Variants in SLC1A2 observed in about 807,000 individuals in gnomAD.
The protein encoded by SLC1A2 is excitatory amino acid transporter 2.
A neutral mutation model predicts 48.8 loss-of-function variants in SLC1A2; 15 were observed. The observed-to-expected ratio is 0.31, with a 90% CI of 0.21 to 0.47. The LOEUF is 0.47. SLC1A2 is among the 20% of genes least tolerant of loss of function. The pLI is 0.99. For missense variants in SLC1A2, 502 were observed against 730.5 expected, an observed-to-expected ratio of 0.69 and a Z score of 3.61; for synonymous variants, 279 against 272.6, an observed-to-expected ratio of 1.02 and a Z score of -0.23.
intron 1 of SLC1A2, among the ~76,000 whole-genome samples, chr11:35,321,786 A>G (rs781161523): frequency 6.6e-6 from 1 of 152,174 alleles, no homozygotes; most frequent in Non-Finnish European, 1.5e-5. Context: ...CCGGATACAC[A>G]GTAAGTCACG....
chr11:35,286,914 C>A lies in SLC1A2; in HGVS notation c.1129G>T (p.Glu377Ter). 6.2e-7 allele frequency: 1 copy of A among 1,614,070 alleles called. No homozygotes were observed. Among genetic ancestry groups the A allele is most frequent in the Non-Finnish European group, 8.5e-7 (1 of 1,179,948 alleles). ...ACACGCTTATCAATCCCCAGATTTT[C>A]TTCCAGGCAACGAAAGGTGACAGGC... The part of the protein sequence containing the change: ...TLPVTFRCLE[E>*]NLGIDKRVTR... Residue 377 changes from glutamate to a stop codon, truncating the protein, a stop_gained, in exon 8 of 11, where the codon GAA (glutamate) becomes TAA (stop). Coordinates refer to ENST00000278379, the MANE Select transcript of SLC1A2 (RefSeq NM_004171.4). LOFTEE classifies it high-confidence loss of function.
chr11:35,332,554 T>C (rs1265680080), intron 1 of SLC1A2, among the ~76,000 whole-genome samples: 1 of 152,270 alleles, frequency 6.6e-6, no homozygotes, highest in Non-Finnish European at 1.5e-5. Flanking sequence ...GATTGAATTA[T>C]GTATATGACA....
At chr11:35,261,081 T>C in intron 10 of SLC1A2, 116 bp from the exon 11 acceptor site, 1 of 756,634 alleles carries the variant, frequency 1.3e-6, no homozygotes, top group Non-Finnish European at 2.3e-6. Flanking sequence ...AAATATTAGT[T>C]TTAAATGGAG....
chr11:35,283,387 G>A (rs7129693), intron 8 of SLC1A2, among the ~76,000 whole-genome samples: 33,615 of 152,096 alleles, frequency 0.22, 3,861 homozygotes, highest in Admixed American at 0.28. Context: ...ATATACACCC[G>A]TGGTGGGTGC....
chr11:35,420,135 A>ATTTT (rs561948166), upstream of SLC1A2: 5 of 149,512 alleles, frequency 3.3e-5, no homozygotes, highest in South Asian at 4.0e-4. Context: ...GGAGGCCGGG[A>ATTTT]TTTTTTTTTT....
At chr11:35,354,618 C>T (rs959297622) in intron 1 of SLC1A2, among the ~76,000 whole-genome samples, 23 of 152,122 alleles carry the variant, frequency 1.5e-4, no homozygotes, top group African/African-American at 5.3e-4. Flanking sequence ...GGTTTTGCTG[C>T]AAATCACCCC....
chr11:35,395,671 CT>C (rs111353211), intron 1 of SLC1A2, among the ~76,000 whole-genome samples: 20,096 of 138,554 alleles, frequency 0.15, 2,313 homozygotes, highest in African/African-American at 0.33. Flanking sequence ...CTCCAAACTT[CT>C]TTTTTTTTTT....
At chr11:35,292,736 C>T (rs1228242553) in intron 6 of SLC1A2, among the ~76,000 whole-genome samples, 1 of 152,080 alleles carries the variant, frequency 6.6e-6, no homozygotes, top group African/African-American at 2.4e-5. Flanking sequence ...ATGAAAAGTC[C>T]AAAGGCAAAT....
intron 6 of SLC1A2, among the ~76,000 whole-genome samples, chr11:35,300,489 G>C (rs138443405): frequency 2.8e-4 from 42 of 152,306 alleles, no homozygotes; most frequent in African/African-American, 1.0e-3. Context: ...AAAGATGCTC[G>C]AGGGAGCCTG....
chr11:35,407,086 T>TA (rs199551960), intron 1 of SLC1A2, among the ~76,000 whole-genome samples: 8,065 of 140,156 alleles, frequency 0.058, 274 homozygotes, highest in East Asian at 0.14. Context: ...AGGTAAATCT[T>TA]AAAAAAAAAA....
Position 35,419,141 on chromosome 11 carries a change from G to T in SLC1A2, c.-175C>A. 2.0e-6 allele frequency: 1 copy of T among 504,916 alleles called. No homozygotes were observed. Among genetic ancestry groups the T allele is most frequent in the Non-Finnish European group, 3.5e-6 (1 of 287,148 alleles). The allele number at this position is 504,916 out of a possible 1,614,324, so 31.3% of individuals were successfully genotyped here. On this transcript the variant is annotated 5_prime_UTR_variant, in exon 1 of 11. Transcript: ENST00000278379. The surrounding 1 kb of genome is among the most constrained non-coding windows in gnomAD (Gnocchi z 5.4). ...TTTAGCGCCTCAACGGGCGCAGGAG[G>T]CTCCTGCGGGCGCTAATCCGCGTCC...
intron 1 of SLC1A2, among the ~76,000 whole-genome samples, chr11:35,342,394 C>A (rs1364617163): frequency 5.3e-5 from 8 of 152,134 alleles, no homozygotes; most frequent in Admixed American, 3.9e-4. Flanking sequence ...GATGCAGATA[C>A]CGACAAAAAG....
chr11:35,338,142 G>A (rs565420243), intron 1 of SLC1A2, among the ~76,000 whole-genome samples: 1 of 152,200 alleles, frequency 6.6e-6, no homozygotes, highest in East Asian at 1.9e-4. Context: ...TTATAAACAA[G>A]GTTTTATTAG....
chr11:35,399,733 T>C (rs1233544409), intron 1 of SLC1A2: 2 of 293,238 alleles, frequency 6.8e-6, no homozygotes, highest in Non-Finnish European at 1.0e-5. Context: ...GGAGCCACCA[T>C]TTTAGAGAAA....
chr11:35,344,679 C>T (rs1223325470), intron 1 of SLC1A2, among the ~76,000 whole-genome samples: 2 of 152,222 alleles, frequency 1.3e-5, no homozygotes, highest in East Asian at 3.9e-4. Context: ...CCATCCCTCA[C>T]ATGGTGAAAG....
chr11:35,372,410 T>C (rs938867114), intron 1 of SLC1A2, among the ~76,000 whole-genome samples: 3 of 152,330 alleles, frequency 2.0e-5, no homozygotes, highest in African/African-American at 7.2e-5. Context: ...ACATGACAAC[T>C]CCCAAAGCTA....
chr11:35,418,917 C>T (rs1424428987), intron 1 of SLC1A2, 33 bp downstream of exon 1: 1 of 1,551,116 alleles, frequency 6.4e-7, no homozygotes, highest in Non-Finnish European at 8.7e-7. Flanking sequence ...CGTGACCCCG[C>T]TTTCCCGCGG....
chr11:35,329,463 A>G (rs1172374357), intron 1 of SLC1A2, among the ~76,000 whole-genome samples: 1 of 152,204 alleles, frequency 6.6e-6, no homozygotes, highest in African/African-American at 2.4e-5. Flanking sequence ...CCTGAATGTG[A>G]GCAGGGGTAT....
At chr11:35,328,125 T>C (rs1852306359) in intron 1 of SLC1A2, among the ~76,000 whole-genome samples, 1 of 152,184 alleles carries the variant, frequency 6.6e-6, no homozygotes, top group Non-Finnish European at 1.5e-5. Flanking sequence ...GCTGGTGCCA[T>C]GGCCCCAGAT....
Sources: gnomAD v4.1 joint callset for allele counts (sites outside exome capture counted in the v4.1 genomes callset) on GRCh38, gnomAD v4.1.1 for gene constraint, Gnocchi (gnomAD v3.1) non-coding constraint, MANE v1.5 for transcripts, NCBI Gene and HGNC (gene_info 2026-07-23, HGNC 2026-07-21) for gene names.